The following ASTL variants were observed in gnomAD, a reference collection of about 807,000 sequenced individuals.
ASTL encodes the protein astacin-like metalloendopeptidase.
ASTL carries 27 observed loss-of-function variants against 36.7 expected under a neutral mutation model. That is an observed-to-expected ratio of 0.73 (90% CI 0.54 to 1.01). ASTL has a LOEUF of 1.01. Among genes scored for constraint, ASTL ranks in the 50% least tolerant of loss-of-function variants. The pLI, the probability that ASTL is intolerant of heterozygous loss-of-function variation, is 0.00. For missense variants in ASTL, 524 were observed against 572.8 expected (o/e 0.91, Z 0.87); for synonymous variants, 222 against 228.1 (o/e 0.97, Z 0.24).
intron 6 of ASTL, among the ~76,000 whole-genome samples, 192 bp from the exon 7 acceptor site, chr2:96,130,337 T>C (rs1682149932): frequency 1.3e-5 from 2 of 152,076 alleles, no homozygotes. Context: ...CCTGTACTAG[T>C]TGAGGTAGAG....
intron 8 of ASTL, among the ~76,000 whole-genome samples, chr2:96,127,881 G>A (rs190415050): frequency 6.6e-6 from 1 of 152,162 alleles, no homozygotes; most frequent in East Asian, 1.9e-4. Flanking sequence ...CAGCTGGTTT[G>A]TTCTTATATT....
chr2:96,128,743 C>T (rs138377514), intron 8 of ASTL, among the ~76,000 whole-genome samples: 3 of 152,318 alleles, frequency 2.0e-5, no homozygotes, highest in African/African-American at 7.2e-5. Flanking sequence ...GATGTCTTGG[C>T]TATTATTGAC....
At chr2:96,136,830 C>T (rs949419602) in intron 2 of ASTL, among the ~76,000 whole-genome samples, 2 of 152,186 alleles carry the variant, frequency 1.3e-5, no homozygotes, top group East Asian at 3.8e-4. Context: ...CATCCCCAGA[C>T]AGCAAGGCCC....
At position 96,132,777 on chromosome 2, in the gene ASTL, A is replaced by G; in HGVS notation, c.456-56T>C. The G allele has an allele frequency of 6.6e-7, 1 of 1,510,904 alleles. No homozygotes were observed. The highest frequency in any genetic ancestry group is 1.2e-5 in the South Asian group (1 of 82,614). The allele number at this position is 1,510,904 out of a possible 1,614,324, so 93.6% of individuals were successfully genotyped here. A position where few individuals can be genotyped will look rare whatever the true frequency, so the allele number is the denominator to read the frequency against. Reference sequence around the variant, plus strand: ...TGCCAGCCCAGATCCCTCCGGACATACAGACCTGGGCTCTCCCTCCCCACA... The same window carrying G: ...TGCCAGCCCAGATCCCTCCGGACATGCAGACCTGGGCTCTCCCTCCCCACA... On this transcript the variant is annotated intron_variant, in intron 5 of 8. Transcript: ENST00000342380. The surrounding 1 kb of genome is among the most constrained non-coding windows in gnomAD (Gnocchi z 5.4).
At position 96,136,271 on chromosome 2, in the gene ASTL, C is replaced by A. The variant is rs142157300; in HGVS notation, c.182-859G>T. Among the ~76,000 whole-genome samples the A allele has an allele frequency of 2.5e-3, 381 of 152,378 alleles. 2 individuals carry two copies. Among genetic ancestry groups the A allele is most frequent in the African/African-American group, 8.8e-3 (368 of 41,592 alleles). On this transcript the variant is annotated intron_variant, in intron 2 of 8. Coordinates refer to ENST00000342380, the MANE Select transcript of ASTL (RefSeq NM_001002036.4). ...AGCCAGACTCCTGTCCCTTAGAAGTCACAGTAGGCCACCTTGGGCAGACAA... is the reference window on the plus strand; with the variant it reads ...AGCCAGACTCCTGTCCCTTAGAAGTAACAGTAGGCCACCTTGGGCAGACAA...
In ASTL at chr2:96,129,986, C is replaced by T; in HGVS notation, c.720-8G>A. ...CGCCGGCTGAAGGCGAGCCTGGAAC[C>T]CAGCGGGAGACCCCTGAGTCCAGAT... is the stretch of plus-strand genomic sequence containing the variant. On this transcript the variant is annotated splice_region_variant and splice_polypyrimidine_tract_variant and intron_variant, in intron 7 of 8. Transcript: ENST00000342380. 1 of 1,605,490 alleles carries T rather than the reference C, an allele frequency of 6.2e-7. No homozygotes were observed. Among genetic ancestry groups the T allele is most frequent in the Non-Finnish European group, 8.5e-7 (1 of 1,173,026 alleles).
chr2:96,133,322 C>T (rs1330763448), intron 5 of ASTL, 103 bp downstream of exon 5: 2 of 863,732 alleles, frequency 2.3e-6, no homozygotes, highest in Non-Finnish European at 3.9e-6. Flanking sequence ...GGAGACTGAG[C>T]CCTGGAGGAT....
intron 2 of ASTL, among the ~76,000 whole-genome samples, chr2:96,136,565 G>T (rs1682305377): frequency 6.6e-6 from 1 of 152,220 alleles, no homozygotes; most frequent in Non-Finnish European, 1.5e-5. Context: ...TCCAGGGGTG[G>T]GATGGTGCCT....
intron 8 of ASTL, among the ~76,000 whole-genome samples, chr2:96,128,815 G>A (rs910436636): frequency 1.2e-4 from 18 of 152,148 alleles, no homozygotes; most frequent in African/African-American, 3.4e-4. Flanking sequence ...CAAGGCAGGC[G>A]CATCACTTGC....
chr2:96,130,041 G>A (rs1308294951), intron 7 of ASTL, 23 bp downstream of exon 7: 7 of 1,613,554 alleles, frequency 4.3e-6, no homozygotes, highest in Non-Finnish European at 5.1e-6. Context: ...GGAAGCAGAG[G>A]GAGAAGAAGG....
At chr2:96,135,080 C>A (rs1304214369) in intron 3 of ASTL, among the ~76,000 whole-genome samples, 2 of 152,236 alleles carry the variant, frequency 1.3e-5, no homozygotes, top group Admixed American at 6.5e-5. Context: ...GGCAGGGTAC[C>A]AAGCTGGGTC....
At chr2:96,135,527 G>C in intron 2 of ASTL, 115 bp from the exon 3 acceptor site, 1 of 886,320 alleles carries the variant, frequency 1.1e-6, no homozygotes, top group Non-Finnish European at 1.8e-6. Flanking sequence ...CTAGTGGATT[G>C]TTACTTTTAT....
intron 3 of ASTL, among the ~76,000 whole-genome samples, chr2:96,134,534 GC>G (rs1294522169): frequency 6.6e-6 from 1 of 152,138 alleles, no homozygotes; most frequent in Non-Finnish European, 1.5e-5. Flanking sequence ...AGCAACCAGA[GC>G]CCTTCGGTGC....
chr2:96,133,913 G>A lies in ASTL; in HGVS notation c.337+52C>T, dbSNP rs373539231. The A allele has an allele frequency of 7.1e-5, 86 of 1,205,988 alleles. 1 individual carries two copies. The highest frequency in any genetic ancestry group is 5.4e-4 in the African/African-American group (36 of 66,788). The allele number at this position is 1,205,988 out of a possible 1,614,324, so 74.7% of individuals were successfully genotyped here. On this transcript the variant is annotated intron_variant, in intron 4 of 8. Transcript: ENST00000342380. ...AAAAGGGAAGAGAGGAACACCTGCCGCATTAGGAAGAAGGGGCTGAGGCAG... is the reference window on the plus strand; with the variant it reads ...AAAAGGGAAGAGAGGAACACCTGCCACATTAGGAAGAAGGGGCTGAGGCAG...
Position 96,138,474 on chromosome 2 carries a change from G to T in ASTL, c.-38C>A. 1 of 1,577,072 alleles carries T rather than the reference G, an allele frequency of 6.3e-7. No individual in the cohort carries two copies. The highest frequency in any genetic ancestry group is 8.7e-7 in the Non-Finnish European group (1 of 1,153,680). On this transcript the variant is annotated 5_prime_UTR_variant, in exon 1 of 9. Transcript: ENST00000342380. ...CTGCCCCTTCAGCAAACAAGACCAA[G>T]CCCCAGCAAGACACAGTAACCTAAT...
chr2:96,132,617 A>T lies in ASTL; in HGVS notation c.560T>A (p.Val187Glu). The T allele has an allele frequency of 6.2e-7, 1 of 1,613,416 alleles. No individual in the cohort carries two copies. The highest frequency in any genetic ancestry group is 8.5e-7 in the Non-Finnish European group (1 of 1,179,628). Residue 187 changes from valine to glutamate, a missense_variant, in exon 6 of 9, where the codon GTG (valine) becomes GAG (glutamate). Transcript: ENST00000342380. The surrounding 1 kb of genome is among the most constrained non-coding windows in gnomAD (Gnocchi z 5.4). ...RGIVLHELMH[V>E]LGFWHEHTRA... ...CGTGTGCTCGTGCCAGAAGCCCAGC[A>T]CATGCATGAGCTCATGAAGGACAAT...
At chr2:96,129,788 T>C (rs1474712750) in intron 8 of ASTL, 36 bp downstream of exon 8, 4 of 1,509,180 alleles carry the variant, frequency 2.7e-6, no homozygotes, top group Admixed American at 4.4e-5. Context: ...AGGCGCCTTC[T>C]CCAGGTTCAA....
Position 96,130,115 on chromosome 2 carries a change from C to T in ASTL, c.668G>A (p.Ser223Asn), listed in dbSNP as rs754140470. The T allele has an allele frequency of 6.2e-7, 1 of 1,614,040 alleles. No individual in the cohort carries two copies. Reference sequence around the variant, plus strand: ...GTCATAGGGCGTCAGCATGTTGCTGCTCTGAGACTTGATGAAGTTGATTTC... The same window carrying T: ...GTCATAGGGCGTCAGCATGTTGCTGTTCTGAGACTTGATGAAGTTGATTTC... ...GFEINFIKSQ[S>N]SNMLTPYDYS... The change falls in exon 7 of 9, where the codon AGC becomes AAC. Residue 223 changes from serine (S) to asparagine (N), a missense_variant. By Grantham distance (46) the Ser-to-Asn change is conservative. Transcript: ENST00000342380.
chr2:96,136,650 C>A (rs1682307372), intron 2 of ASTL, among the ~76,000 whole-genome samples: 1 of 152,190 alleles, frequency 6.6e-6, no homozygotes, highest in South Asian at 2.1e-4. Flanking sequence ...CACACAGTGG[C>A]TACCACATCT....
Sources: allele counts gnomAD v4.1 joint callset (sites outside exome capture counted in the v4.1 genomes callset), GRCh38; gene constraint gnomAD v4.1.1; non-coding constraint Gnocchi (gnomAD v3.1); transcripts MANE v1.5; gene names NCBI Gene and HGNC (gene_info 2026-07-23, HGNC 2026-07-21).